MYLK: variants seen among roughly 807,000 people sequenced by gnomAD.
MYLK encodes the protein myosin light chain kinase, smooth muscle.
Under a neutral mutation model 203.4 loss-of-function variants are expected in MYLK, and 106 were observed. That is an observed-to-expected ratio of 0.52 (90% CI 0.45 to 0.61). The LOEUF is 0.61. Among genes scored for constraint, MYLK ranks in the 20% least tolerant of loss-of-function variants. MYLK has a pLI of 0.00. For synonymous variants in MYLK, 867 were observed against 959.5 expected (o/e 0.90, Z 1.78); for missense variants, 2,072 against 2,442.3 (o/e 0.85, Z 3.20).
At chr3:123,767,682 G>A (rs183848967) in intron 4 of MYLK, among the ~76,000 whole-genome samples, 187 of 152,334 alleles carry the variant, frequency 1.2e-3, no homozygotes, top group Middle Eastern at 6.8e-3. Context: ...CACTAAGCAC[G>A]TTAGCCATAG....
chr3:123,625,579 C>T lies in MYLK; in HGVS notation c.5238+1239G>A, dbSNP rs144848695. 8.7e-3 allele frequency among the ~76,000 whole-genome samples: 1,318 copies of T among 151,902 alleles called. 15 individuals are homozygous for T. Among genetic ancestry groups the T allele is most frequent in the African/African-American group, 0.03 (1,257 of 41,432 alleles). On this transcript the variant is annotated intron_variant, in intron 31 of 33. Transcript: ENST00000360304. ...ATTCCAACACTTTGGGAGGCCGAGG[C>T]GGGTGGATCACGAGGTCAGGAGATT...
intron 31 of MYLK, chr3:123,624,867 G>GC (rs1268012174): frequency 2.6e-5 from 4 of 152,140 alleles, no homozygotes; most frequent in African/African-American, 9.7e-5. Context: ...CACACTTGTG[G>GC]CCCCCATTCG....
intron 4 of MYLK, among the ~76,000 whole-genome samples, chr3:123,789,604 T>G (rs1243651311): frequency 7.4e-6 from 1 of 134,572 alleles, no homozygotes; most frequent in African/African-American, 2.8e-5. Context: ...GGAAATGAGA[T>G]AAAGTTGTAT....
chr3:123,870,878 T>G (rs1339762761), intron 2 of MYLK, among the ~76,000 whole-genome samples: 1 of 152,180 alleles, frequency 6.6e-6, no homozygotes, highest in Non-Finnish European at 1.5e-5. Flanking sequence ...CAGCTCCTGG[T>G]CTAAACTATT....
intron 4 of MYLK, among the ~76,000 whole-genome samples, chr3:123,762,229 C>CT (rs554217014): frequency 8.4e-4 from 125 of 149,074 alleles, no homozygotes; most frequent in East Asian, 6.3e-3. Flanking sequence ...AACTAATATT[C>CT]TTTTTTTTTT....
intron 3 of MYLK, among the ~76,000 whole-genome samples, chr3:123,807,820 C>T (rs2109209264): frequency 6.6e-6 from 1 of 152,376 alleles, no homozygotes; most frequent in South Asian, 2.1e-4. Context: ...CTCCAGACTC[C>T]CTCAACTCTC....
chr3:123,647,070 A>G, intron 27 of MYLK, 154 bp downstream of exon 27: 1 of 728,828 alleles, frequency 1.4e-6, no homozygotes, highest in Admixed American at 2.1e-5. Context: ...CTGTTTGGTC[A>G]GGCCTGGCTG....
chr3:123,717,744 G>A (rs531101777), intron 13 of MYLK, among the ~76,000 whole-genome samples: 7 of 152,138 alleles, frequency 4.6e-5, no homozygotes, highest in Non-Finnish European at 8.8e-5. Context: ...CTCATCCTGG[G>A]TCAGGAGGAA....
At chr3:123,686,905 G>A (rs748109937) in intron 19 of MYLK, among the ~76,000 whole-genome samples, 15 of 152,120 alleles carry the variant, frequency 9.9e-5, no homozygotes, top group African/African-American at 2.4e-4. Context: ...CATAATACCC[G>A]TTAGTTGTCT....
chr3:123,768,510 T>C (rs2063775090), intron 4 of MYLK, among the ~76,000 whole-genome samples: 1 of 152,176 alleles, frequency 6.6e-6, no homozygotes, highest in Non-Finnish European at 1.5e-5. Context: ...CCTAACACCA[T>C]GCAGGGCTCA....
intron 5 of MYLK, among the ~76,000 whole-genome samples, chr3:123,750,465 A>C (rs1016521587): frequency 6.6e-6 from 1 of 152,170 alleles, no homozygotes; most frequent in Non-Finnish European, 1.5e-5. Context: ...GGATTGAAGA[A>C]AACGTTTTCA....
intron 31 of MYLK, chr3:123,624,879 C>T (rs2058060338): frequency 2.0e-5 from 3 of 152,242 alleles, no homozygotes; most frequent in Admixed American, 1.3e-4. Context: ...CCCCATTCGC[C>T]TTTGCTCCCT....
At chr3:123,693,161 CCAT>C (rs2060752097) in intron 18 of MYLK, among the ~76,000 whole-genome samples, 1 of 152,288 alleles carries the variant, frequency 6.6e-6, no homozygotes, top group East Asian at 1.9e-4. Context: ...CCTTTGGAGA[CCAT>C]CCAATACAAT....
intron 2 of MYLK, among the ~76,000 whole-genome samples, chr3:123,846,915 T>A (rs1048269162): frequency 3.9e-5 from 6 of 152,164 alleles, no homozygotes; most frequent in African/African-American, 1.4e-4. Context: ...CTATTAATTT[T>A]TCTAATTGGT....
chr3:123,871,845 C>T (rs186111866), intron 2 of MYLK, among the ~76,000 whole-genome samples: 1 of 67,494 alleles, frequency 1.5e-5, no homozygotes, highest in Admixed American at 1.3e-4. Context: ...CAGACAAAGA[C>T]ATCGGATCAA....
chr3:123,767,554 C>T (rs1253570279), intron 4 of MYLK, among the ~76,000 whole-genome samples: 2 of 152,198 alleles, frequency 1.3e-5, no homozygotes, highest in African/African-American at 2.4e-5. Context: ...TTGCAGTGAG[C>T]CAAGATTGCG....
intron 11 of MYLK, among the ~76,000 whole-genome samples, chr3:123,728,239 A>G (rs1238064978): frequency 1.3e-5 from 2 of 152,230 alleles, no homozygotes; most frequent in Non-Finnish European, 2.9e-5. Flanking sequence ...GTGGTGGCTC[A>G]AGTCTTTAAT....
In MYLK at chr3:123,700,841, C is replaced by T. The variant is rs537224715; in HGVS notation, c.2627G>A (p.Arg876His). The T allele has an allele frequency of 3.0e-5, 48 of 1,614,086 alleles. 2 individuals are homozygous for T. Among genetic ancestry groups the T allele is most frequent in the Middle Eastern group, 3.3e-4 (2 of 6,062 alleles). Residue 876 changes from arginine to histidine, a missense_variant, in exon 18 of 34, where the codon CGC becomes CAC. Physicochemically the swap from Arg to His is conservative, Grantham distance 29. Transcript: ENST00000360304. ...CTCAGTGTGCTGCCTCGTCTCCACG[C>T]GCCTCTTCAGCACCCCTCGCACGTC... ...GEDVRGVLKR[R>H]VETRQHTEEA...
At chr3:123,835,829 C>T (rs2066463373) in intron 2 of MYLK, 1 of 152,176 alleles carries the variant, frequency 6.6e-6, no homozygotes, top group African/African-American at 2.4e-5. Context: ...CCTGGCCTTT[C>T]TGTGTAAAAA....
Sources: allele counts gnomAD v4.1 joint callset (sites outside exome capture counted in the v4.1 genomes callset), GRCh38; gene constraint gnomAD v4.1.1; transcripts MANE v1.5; gene names NCBI Gene and HGNC (gene_info 2026-07-23, HGNC 2026-07-21).